APTX: variants seen among roughly 807,000 people sequenced by gnomAD.
The protein encoded by APTX is forkhead-associated domain histidine triad-like protein.
A neutral mutation model predicts 42.3 loss-of-function variants in APTX; 33 were observed. The observed-to-expected ratio is 0.78, with a 90% CI of 0.59 to 1.04. The LOEUF (loss-of-function observed/expected upper bound fraction) is 1.04, where lower values mean the gene tolerates loss of function less well. APTX is among the 50% of genes least tolerant of loss of function. The probability of loss-of-function intolerance (pLI) is 0.00; values close to 1 mark genes in which losing one functional copy is unlikely to be tolerated. For missense variants in APTX, 421 were observed against 415.1 expected (o/e 1.01, Z -0.12); for synonymous variants, 130 against 146.7 (o/e 0.89, Z 0.82).
At chr9:33,001,416 A>C in intron 1 of APTX, 151 bp downstream of exon 1, 1 of 1,539,280 alleles carries the variant, frequency 6.5e-7, no homozygotes, top group Non-Finnish European at 8.7e-7. Flanking sequence ...AGGTAGTAAC[A>C]GGGGAGGACG....
At chr9:33,014,574 T>C (rs896312409) in intron 1 of APTX, among the ~76,000 whole-genome samples, 4 of 152,038 alleles carry the variant, frequency 2.6e-5, no homozygotes, top group African/African-American at 9.7e-5. Context: ...GAGCAGGACA[T>C]CAGGTTTTGG....
At chr9:32,986,054 A>AC (rs760625272) in intron 4 of APTX, 24 bp from the exon 5 acceptor site, 28 of 665,364 alleles carry the variant, frequency 4.2e-5, no homozygotes, top group South Asian at 9.2e-5. Context: ...AAAAAAAAAA[A>AC]CAAAAAAAAA....
intron 6 of APTX, among the ~76,000 whole-genome samples, chr9:32,977,942 C>A (rs1247725698): frequency 6.6e-6 from 1 of 152,034 alleles, no homozygotes; most frequent in Non-Finnish European, 1.5e-5. Flanking sequence ...AAGGACTAAC[C>A]CAAGTGTGTT....
chr9:33,007,644 A>G (rs1564000443), intron 1 of APTX, among the ~76,000 whole-genome samples: 2 of 152,196 alleles, frequency 1.3e-5, no homozygotes, highest in Non-Finnish European at 2.9e-5. Flanking sequence ...CGAAACATAA[A>G]TTTAGCTGCA....
At chr9:32,986,280 T>C in intron 4 of APTX, 2 of 582,692 alleles carry the variant, frequency 3.4e-6, no homozygotes, top group Non-Finnish European at 6.4e-6. Flanking sequence ...AGCGGCGTGA[T>C]CACTGCAACC....
At chr9:32,975,261 C>T (rs1829103911) in intron 6 of APTX, among the ~76,000 whole-genome samples, 1 of 152,124 alleles carries the variant, frequency 6.6e-6, no homozygotes, top group South Asian at 2.1e-4. Context: ...TCTGAATCTA[C>T]TGGGAAGCCA....
chr9:32,993,900 A>G (rs1834229885), intron 1 of APTX, among the ~76,000 whole-genome samples: 1 of 151,816 alleles, frequency 6.6e-6, no homozygotes, highest in Non-Finnish European at 1.5e-5. Context: ...TGTATTTTTA[A>G]TAGAGACGGG....
At chr9:33,011,457 T>C (rs938008793) in intron 1 of APTX, among the ~76,000 whole-genome samples, 1 of 151,960 alleles carries the variant, frequency 6.6e-6, no homozygotes, top group African/African-American at 2.4e-5. Flanking sequence ...CCGGCTAATT[T>C]TTTATTTTTA....
intron 7 of APTX, 34 bp downstream of exon 7, chr9:32,974,424 G>A: frequency 7.5e-7 from 1 of 1,330,582 alleles, no homozygotes; most frequent in Non-Finnish European, 1.1e-6. Context: ...CTCAGAAAAT[G>A]AAACAAATGT....
intron 6 of APTX, among the ~76,000 whole-genome samples, chr9:32,983,378 G>A (rs1831154143): frequency 6.6e-6 from 1 of 151,978 alleles, no homozygotes; most frequent in Non-Finnish European, 1.5e-5. Context: ...AACTGGAAAG[G>A]GGCACAAGGG....
At chr9:32,979,453 A>C (rs1175756881) in intron 6 of APTX, 2 of 152,382 alleles carry the variant, frequency 1.3e-5, no homozygotes, top group African/African-American at 4.8e-5. Flanking sequence ...GACGGGCATC[A>C]ATCATGGTTG....
chr9:33,013,624 G>A (rs1208689065), intron 1 of APTX, among the ~76,000 whole-genome samples: 2 of 152,086 alleles, frequency 1.3e-5, no homozygotes, highest in Non-Finnish European at 2.9e-5. Flanking sequence ...GGCTAACACG[G>A]TGAAACCCCA....
chr9:33,021,624 A>G (rs191618112), intron 1 of APTX, among the ~76,000 whole-genome samples: 11 of 152,232 alleles, frequency 7.2e-5, no homozygotes, highest in Admixed American at 7.2e-4. Context: ...GGAGTTCAAG[A>G]ACAGCCTGGG....
chr9:33,007,100 A>T (rs1837214483), intron 1 of APTX, among the ~76,000 whole-genome samples: 1 of 152,060 alleles, frequency 6.6e-6, no homozygotes, highest in South Asian at 2.1e-4. Flanking sequence ...AAGGAAACAA[A>T]CACATGAAGA....
chr9:32,987,432 T>C, intron 4 of APTX, 112 bp downstream of exon 4: 1 of 1,381,404 alleles, frequency 7.2e-7, no homozygotes. Flanking sequence ...GACTCTTTCA[T>C]CATGGTTAAT....
chr9:32,977,794 G>A (rs778477949), intron 6 of APTX, among the ~76,000 whole-genome samples: 2 of 151,954 alleles, frequency 1.3e-5, no homozygotes, highest in Non-Finnish European at 2.9e-5. Flanking sequence ...TTGCACCACT[G>A]CACTCCAGCC....
At chr9:33,010,902 G>C (rs1002796817) in intron 1 of APTX, among the ~76,000 whole-genome samples, 1 of 152,016 alleles carries the variant, frequency 6.6e-6, no homozygotes, top group African/African-American at 2.4e-5. Context: ...AACACGTTGG[G>C]AGGCCAAGGC....
intron 1 of APTX, among the ~76,000 whole-genome samples, chr9:33,007,612 TG>T (rs1313055567): frequency 6.6e-6 from 1 of 152,184 alleles, no homozygotes; most frequent in South Asian, 2.1e-4. Flanking sequence ...AGTTATTTAG[TG>T]GTGATAGAAT....
At chr9:32,994,523 T>C (rs1429380820) in intron 1 of APTX, among the ~76,000 whole-genome samples, 1 of 152,252 alleles carries the variant, frequency 6.6e-6, no homozygotes, top group Non-Finnish European at 1.5e-5. Context: ...TGCTCTGCTC[T>C]ATTACATTTG....
Sources: gnomAD v4.1 joint callset for allele counts (sites outside exome capture counted in the v4.1 genomes callset) on GRCh38, gnomAD v4.1.1 for gene constraint, MANE v1.5 for transcripts, NCBI Gene and HGNC (gene_info 2026-07-23, HGNC 2026-07-21) for gene names.